The following CCT6B variants were observed in gnomAD, a reference collection of about 807,000 sequenced individuals.
CCT6B encodes chaperonin containing TCP1 subunit 6B, also known as probable T-complex protein 1 subunit zeta-2.
CCT6B carries 49 observed loss-of-function variants against 61.5 expected under a neutral mutation model. The ratio of observed to expected loss-of-function variants is 0.80; its 90% CI spans 0.63 to 1.01. The LOEUF is 1.01. CCT6B is among the 50% of genes least tolerant of loss of function. The pLI, the probability that CCT6B is intolerant of heterozygous loss-of-function variation, is 0.00. For synonymous variants in CCT6B, 228 were observed against 214.5 expected, an observed-to-expected ratio of 1.06 and a Z score of -0.55; for missense variants, 666 against 634.7, an observed-to-expected ratio of 1.05 and a Z score of -0.53.
At chr17:34,928,836 A>C (rs1450002929) in intron 13 of CCT6B, 126 bp downstream of exon 13, 3 of 553,436 alleles carry the variant, frequency 5.4e-6, no homozygotes, top group Non-Finnish European at 9.7e-6. Flanking sequence ...ATAACTGAAT[A>C]CCACACCTTT....
chr17:34,948,646 A>C (rs1455109980), intron 5 of CCT6B, among the ~76,000 whole-genome samples: 3 of 150,712 alleles, frequency 2.0e-5, no homozygotes, highest in African/African-American at 7.3e-5. Context: ...CCCAGGAGGC[A>C]GAGATTGCAG....
At chr17:34,938,521 A>C (rs1597742322) in intron 10 of CCT6B, among the ~76,000 whole-genome samples, 1 of 152,116 alleles carries the variant, frequency 6.6e-6, no homozygotes, top group Admixed American at 6.5e-5. Context: ...GTGCCACTGC[A>C]CTCTAGCCTG....
At chr17:34,947,488 C>T (rs546070404) in intron 5 of CCT6B, among the ~76,000 whole-genome samples, 1 of 152,276 alleles carries the variant, frequency 6.6e-6, no homozygotes, top group African/African-American at 2.4e-5. Context: ...AGCAACAGAA[C>T]AATATCTTCA....
intron 3 of CCT6B, 100 bp from the exon 4 acceptor site, chr17:34,954,699 T>A: frequency 1.1e-6 from 1 of 871,010 alleles, no homozygotes; most frequent in Non-Finnish European, 1.7e-6. Context: ...TTACTCACAT[T>A]AATGCCATGA....
intron 5 of CCT6B, 133 bp from the exon 6 acceptor site, chr17:34,943,039 T>C: frequency 3.3e-6 from 2 of 612,386 alleles, no homozygotes; most frequent in South Asian, 5.2e-5. Flanking sequence ...TTTAACAGTT[T>C]TTGGTGTTTT....
intron 12 of CCT6B, 151 bp from the exon 13 acceptor site, chr17:34,929,185 C>T: frequency 1.7e-6 from 1 of 604,918 alleles, no homozygotes; most frequent in East Asian, 2.8e-5. Context: ...GGTTGATTCT[C>T]AGACCTCATC....
At chr17:34,940,779 T>C (rs1295087172) in intron 7 of CCT6B, among the ~76,000 whole-genome samples, 158 bp from the exon 8 acceptor site, 3 of 152,068 alleles carry the variant, frequency 2.0e-5, no homozygotes, top group Non-Finnish European at 4.4e-5. Flanking sequence ...TTATAAAAAC[T>C]GAGAAATTTT....
rs756642047 is a variant in CCT6B, at chr17:34,928,120, A to G, written c.1524-3T>C. The G allele has an allele frequency of 6.2e-7, 1 of 1,607,310 alleles. No homozygotes were observed. The highest frequency in any genetic ancestry group is 1.1e-5 in the South Asian group (1 of 90,238). On this transcript the variant is annotated splice_polypyrimidine_tract_variant and splice_region_variant and intron_variant, in intron 13 of 13. Coordinates refer to ENST00000314144, the MANE Select transcript of CCT6B (RefSeq NM_006584.4). ...GAATGTTGGTGGCAATCACTGTGCT[A>G]AGGAAAAAGATGAGAGGGTGAGTAA... is the stretch of plus-strand genomic sequence containing the variant.
At chr17:34,946,174 T>C (rs1307587810) in intron 5 of CCT6B, among the ~76,000 whole-genome samples, 1 of 152,222 alleles carries the variant, frequency 6.6e-6, no homozygotes, top group East Asian at 1.9e-4. Flanking sequence ...AGCTGTGAAT[T>C]TAATTTAAAT....
In CCT6B at chr17:34,957,289, C is replaced by T. The variant is rs544993065; in HGVS notation, c.336+1271G>A. Among the ~76,000 whole-genome samples, 46 of 152,068 alleles carry T rather than the reference C, an allele frequency of 3.0e-4. No homozygotes were observed. The South Asian group carries it at 5.6e-3, about 19-fold the overall frequency. ...CCTCCTGAGTAGCTGGGATCACAGG[C>T]GTGCACCAACACGCCTGGCTAATTT... On this transcript the variant is annotated intron_variant, in intron 3 of 13. Transcript: ENST00000314144.
intron 7 of CCT6B, among the ~76,000 whole-genome samples, chr17:34,941,450 A>G (rs2090162528): frequency 6.6e-6 from 1 of 152,248 alleles, no homozygotes; most frequent in African/African-American, 2.4e-5. Flanking sequence ...CACTACTATT[A>G]TCAGGAAAGT....
At position 34,942,810 on chromosome 17, in the gene CCT6B, C is replaced by T. The variant is rs1242342007; in HGVS notation, c.711G>A (p.Leu237=). Residue 237 remains leucine, a synonymous_variant, in exon 6 of 14, where the codon CTG becomes CTA. Coordinates refer to ENST00000314144, the MANE Select transcript of CCT6B (RefSeq NM_006584.4). ...DAFILICNVS[L]EYEKTEVNSG... is the part of the protein sequence containing the mutation. ...GTAACACGCACGTTTTTTCATATTC[C>T]AGTGAAACGTTGCAAATAAGGATAA... is the stretch of plus-strand genomic sequence containing the variant. 1 of 1,600,734 alleles carries T rather than the reference C, an allele frequency of 6.2e-7. No homozygotes were observed. The highest frequency in any genetic ancestry group is 1.7e-4 in the Middle Eastern group (1 of 6,014).
rs1299147363 is a variant in CCT6B, at chr17:34,961,397, C to A, written c.-4G>T. On this transcript the variant is annotated 5_prime_UTR_variant, in exon 1 of 14. It adds an upstream start codon to the 5' untranslated region. Coordinates refer to ENST00000314144, the MANE Select transcript of CCT6B (RefSeq NM_006584.4). The stretch of plus-strand genomic sequence containing the variant: ...TGACGGCCTTTATCGCAGCCATAGC[C>A]TAACCGTTCAGAGGGAGAAAAAAAA... 8 of 1,596,386 alleles carry A rather than the reference C, an allele frequency of 5.0e-6. No homozygotes were observed. Among genetic ancestry groups the A allele is most frequent in the Non-Finnish European group, 6.0e-6 (7 of 1,175,026 alleles).
At chr17:34,959,291 ATT>A (rs1160595019) in intron 2 of CCT6B, among the ~76,000 whole-genome samples, 12 of 129,460 alleles carry the variant, frequency 9.3e-5, no homozygotes, top group African/African-American at 1.4e-4. Context: ...ACTGAGCAAA[ATT>A]TTTTTTTTTT....
rs969241046 is a variant in CCT6B, at chr17:34,936,664, T to C, written c.1213+2519A>G. ...AGAAATGGAAATTTTAAAAATAGCA[T>C]ATACAATAGCAACAAAATACATAAA... On this transcript the variant is annotated intron_variant, in intron 10 of 13. Coordinates refer to ENST00000314144, the MANE Select transcript of CCT6B (RefSeq NM_006584.4). 2.6e-5 allele frequency among the ~76,000 whole-genome samples: 4 copies of C among 152,028 alleles called. No individual in the cohort carries two copies. The South Asian group carries it at 8.3e-4, about 32-fold the overall frequency.
intron 10 of CCT6B, among the ~76,000 whole-genome samples, chr17:34,938,148 CCA>C (rs528609893): frequency 2.5e-3 from 374 of 152,230 alleles, no homozygotes; most frequent in South Asian, 6.6e-3. Context: ...TCTTGGCCTC[CCA>C]AAGTGCTGGA....
At position 34,940,588 on chromosome 17, in the gene CCT6B, T is replaced by C. The variant is rs146039907; in HGVS notation, c.919A>G (p.Lys307Glu). 6.3e-7 allele frequency: 1 copy of C among 1,577,610 alleles called. No homozygotes were observed. Among genetic ancestry groups the C allele is most frequent in the South Asian group, 1.2e-5 (1 of 86,178 alleles). ...CTGCGAAGAGCTACTATTCCATGTT[T>C]TGCAAGAGAATCTAAGGAAAATGGA... ...IDPFSLDSLA[K>E]HGIVALRRAK... Residue 307 changes from lysine to glutamate, a missense_variant, in exon 8 of 14, where the codon AAA becomes GAA. Lys to Glu is a moderately conservative substitution (Grantham distance 56). Coordinates refer to ENST00000314144, the MANE Select transcript of CCT6B (RefSeq NM_006584.4).
chr17:34,938,877 G>A (rs540088807), intron 10 of CCT6B, among the ~76,000 whole-genome samples: 87 of 152,324 alleles, frequency 5.7e-4, no homozygotes, highest in Non-Finnish European at 1.2e-3. Flanking sequence ...GAGCCCAGGA[G>A]TTCGAGACCA....
In CCT6B at chr17:34,959,642, G is replaced by A. The variant is rs571499393; in HGVS notation, c.146C>T (p.Ser49Phe). ...GPKGTMKMLV[S>F]GAGDIKLTKD... ...GGTGAGTTTGATGTCACCTGCACCAGAAACAAGCCTGTTCAGAGAAGAATG... is the reference window on the plus strand; with the variant it reads ...GGTGAGTTTGATGTCACCTGCACCAAAAACAAGCCTGTTCAGAGAAGAATG... Residue 49 changes from serine to phenylalanine, a missense_variant, in exon 2 of 14, where the codon TCT (serine) becomes TTT (phenylalanine). Physicochemically the swap from Ser to Phe is radical, Grantham distance 155. Coordinates refer to ENST00000314144, the MANE Select transcript of CCT6B (RefSeq NM_006584.4). 1 of 1,610,848 alleles carries A rather than the reference G, an allele frequency of 6.2e-7. No individual in the cohort carries two copies. Among genetic ancestry groups the A allele is most frequent in the African/African-American group, 1.3e-5 (1 of 74,940 alleles).
Sources: allele counts gnomAD v4.1 joint callset (sites outside exome capture counted in the v4.1 genomes callset), GRCh38; gene constraint gnomAD v4.1.1; transcripts MANE v1.5; gene names NCBI Gene and HGNC (gene_info 2026-07-23, HGNC 2026-07-21).